REG1B: variants seen among roughly 807,000 people sequenced by gnomAD.
The protein encoded by REG1B is regenerating family member 1 beta.
A neutral mutation model predicts 20.4 loss-of-function variants in REG1B; 21 were observed. That is an observed-to-expected ratio of 1.03 (90% confidence interval 0.73 to 1.48). REG1B has a LOEUF of 1.48. Ranked by LOEUF, REG1B falls within the 40% of genes most tolerant of loss-of-function variation. The pLI is 0.00. For synonymous variants in REG1B, 82 were observed against 73.4 expected, an observed-to-expected ratio of 1.12 and a Z score of -0.60; for missense variants, 247 against 197.2, an observed-to-expected ratio of 1.25 and a Z score of -1.51.
At chr2:79,087,734 C>T (rs1278678816) in intron 1 of REG1B, 76 bp from the exon 2 acceptor site, 13 of 899,018 alleles carry the variant, frequency 1.4e-5, no homozygotes, top group Non-Finnish European at 1.7e-6. Context: ...CCTCTCCTCT[C>T]TGAATTCCTG....
chr2:79,086,541 G>A (rs374024023), intron 3 of REG1B, 37 bp from the exon 4 acceptor site: 1 of 1,610,132 alleles, frequency 6.2e-7, no homozygotes, highest in Non-Finnish European at 8.5e-7. Context: ...AGTGGAGAAG[G>A]AAGGTGTGAG....
At chr2:79,086,710 A>C in intron 3 of REG1B, 102 bp downstream of exon 3, 4 of 1,331,342 alleles carry the variant, frequency 3.0e-6, no homozygotes, top group Non-Finnish European at 4.3e-6. Context: ...TGGAATAGGG[A>C]AGGGATCAAT....
rs144790734 is a variant in REG1B at position 79,087,227 on chromosome 2, G to A, written c.65-297C>T. ...CTTCCTCCTTTCTCAAGTTTCTCTCGGTTTCCCTGCACACGTTTGCCTTAG... is the reference window on the plus strand; with the variant it reads ...CTTCCTCCTTTCTCAAGTTTCTCTCAGTTTCCCTGCACACGTTTGCCTTAG... On this transcript the variant is annotated intron_variant, in intron 2 of 5. Transcript: ENST00000305089. 493 of 527,072 alleles carry A rather than the reference G, an allele frequency of 9.4e-4. 2 individuals are homozygous for A. Among genetic ancestry groups the A allele is most frequent in the Non-Finnish European group, 1.3e-3 (392 of 297,282 alleles). The allele number at this position is 527,072 out of a possible 1,614,324, so 32.6% of individuals were successfully genotyped here.
intron 4 of REG1B, chr2:79,085,851 C>G (rs764006042): frequency 2.8e-6 from 1 of 353,492 alleles, no homozygotes; most frequent in African/African-American, 2.1e-5. Context: ...CATAAAAGCC[C>G]ATTAAAGAGA....
intron 2 of REG1B, 34 bp downstream of exon 2, chr2:79,087,515 T>C (rs1188141822): frequency 6.2e-7 from 1 of 1,604,714 alleles, no homozygotes; most frequent in Middle Eastern, 1.7e-4. Context: ...GAATTCAGAG[T>C]TGGGGTTGTG....
At chr2:79,085,669 T>G in intron 4 of REG1B, 66 bp from the exon 5 acceptor site, 3 of 997,776 alleles carry the variant, frequency 3.0e-6, no homozygotes, top group South Asian at 1.5e-5. Context: ...ACCAGGCCTG[T>G]GTGCACACTC....
Position 79,087,599 on chromosome 2 carries a change from T to C in REG1B, c.14A>G (p.Asn5Ser). The C allele has an allele frequency of 6.2e-7, 1 of 1,613,728 alleles. No homozygotes were observed. The highest frequency in any genetic ancestry group is 8.5e-7 in the Non-Finnish European group (1 of 1,179,858). MAQT[N>S]SFFMLISSLM... ...GGAGGAGATCAGCATGAAGAACGAGTTGGTCTGAGCCATGCTTAGCGGCAG... is the reference window on the plus strand; with the variant it reads ...GGAGGAGATCAGCATGAAGAACGAGCTGGTCTGAGCCATGCTTAGCGGCAG... The change falls in exon 2 of 6, where the codon AAC becomes AGC. Residue 5 changes from asparagine to serine, a missense_variant. Transcript: ENST00000305089.
At chr2:79,085,665 C>T in intron 4 of REG1B, 62 bp from the exon 5 acceptor site, 2 of 1,054,222 alleles carry the variant, frequency 1.9e-6, no homozygotes, top group Non-Finnish European at 2.8e-6. Flanking sequence ...AATAACCAGG[C>T]CTGTGTGCAC....
At position 79,085,599 on chromosome 2, in the gene REG1B, C is replaced by A; in HGVS notation, c.326G>T (p.Arg109Leu). ...GGACCCACTACTCCAGTGCCAGCGGCGGTTCTAGATGGAGAAGGGCCAGAA... is the reference window on the plus strand; with the variant it reads ...GGACCCACTACTCCAGTGCCAGCGGAGGTTCTAGATGGAGAAGGGCCAGAA... ...WIGLHDPKKN[R>L]RWHWSSGSLV... is the part of the protein sequence containing the mutation. Residue 109 changes from arginine (R) to leucine (L), a missense_variant, in exon 5 of 6, where the codon CGC becomes CTC. Coordinates refer to ENST00000305089, the MANE Select transcript of REG1B (RefSeq NM_006507.4). The A allele has an allele frequency of 6.2e-7, 1 of 1,610,340 alleles. No homozygotes were observed. Among genetic ancestry groups the A allele is most frequent in the Non-Finnish European group, 8.5e-7 (1 of 1,177,676 alleles).
intron 1 of REG1B, 42 bp downstream of exon 1, chr2:79,087,917 A>C (rs1403988911): frequency 3.5e-6 from 1 of 287,970 alleles, no homozygotes; most frequent in African/African-American, 2.2e-5. Context: ...AAAAGAGAAA[A>C]TCCCACGTTA....
intron 4 of REG1B, 145 bp from the exon 5 acceptor site, chr2:79,085,748 T>C (rs993813330): frequency 2.9e-5 from 15 of 523,434 alleles, no homozygotes; most frequent in African/African-American, 2.9e-4. Flanking sequence ...TCATTTCCTC[T>C]GCTTTTGCTC....
intron 3 of REG1B, 24 bp from the exon 4 acceptor site, chr2:79,086,528 C>A (rs747369634): frequency 2.1e-5 from 34 of 1,611,964 alleles, no homozygotes; most frequent in Admixed American, 3.3e-5. Context: ...AAATGGAGCA[C>A]TCAGTGGAGA....
chr2:79,085,549 T>C lies in REG1B; in HGVS notation c.376A>G (p.Thr126Ala), dbSNP rs759874026. 15 of 1,613,794 alleles carry C rather than the reference T, an allele frequency of 9.3e-6. No individual in the cohort carries two copies. Among genetic ancestry groups the C allele is most frequent in the Non-Finnish European group, 4.2e-6 (5 of 1,179,916 alleles). ...GSLVSYKSWD[T>A]GSPSSANAGY... ...GCATTAGCACTGCTCGGGGATCCAG[T>C]GTCCCAGGACTTGTAGGAGACCAGG... is the stretch of plus-strand genomic sequence containing the variant. Residue 126 changes from threonine to alanine, a missense_variant, in exon 5 of 6, where the codon ACT becomes GCT. Coordinates refer to ENST00000305089, the MANE Select transcript of REG1B (RefSeq NM_006507.4).
Position 79,085,247 on chromosome 2 carries a change from T to G in REG1B, c.470A>C (p.Lys157Thr). The stretch of plus-strand genomic sequence containing the variant: ...TTTGAACTTGCAAACAAAGGAGAAC[T>G]TCTTCTCACAAGATTCATCCTTCCA... ...KKWKDESCEK[K>T]FSFVCKFKN is the part of the protein sequence containing the mutation. The change falls in exon 6 of 6, where the codon AAG becomes ACG. Residue 157 changes from lysine (K) to threonine (T), a missense_variant. Transcript: ENST00000305089. 6.2e-7 allele frequency: 1 copy of G among 1,613,518 alleles called. No individual in the cohort carries two copies. Among genetic ancestry groups the G allele is most frequent in the Non-Finnish European group, 8.5e-7 (1 of 1,179,472 alleles).
chr2:79,086,691 G>A, intron 3 of REG1B, 121 bp downstream of exon 3: 2 of 1,303,872 alleles, frequency 1.5e-6, no homozygotes, highest in Non-Finnish European at 2.2e-6. Context: ...GGAAGTTTGG[G>A]ACCAGTGGTG....
chr2:79,085,419 C>T (rs199799058), intron 5 of REG1B, 73 bp downstream of exon 5: 16 of 1,394,186 alleles, frequency 1.1e-5, no homozygotes, highest in Non-Finnish European at 1.6e-5. Flanking sequence ...TCCTCTATCC[C>T]AGTCCCCATG....
At position 79,086,813 on chromosome 2, in the gene REG1B, T is replaced by C; in HGVS notation, c.182A>G (p.Asp61Gly). 1 of 1,613,572 alleles carries C rather than the reference T, an allele frequency of 6.2e-7. No homozygotes were observed. Among genetic ancestry groups the C allele is most frequent in the Non-Finnish European group, 8.5e-7 (1 of 1,179,544 alleles). ...NEDPETWVDA[D>G]LYCQNMNSGN... Reference sequence around the variant, plus strand: ...TCCCCTGCTGCTCTCCTCACTCACATCTGCATCAACCCAGGTCTCAGGGTC... The same window carrying C: ...TCCCCTGCTGCTCTCCTCACTCACACCTGCATCAACCCAGGTCTCAGGGTC... The change falls in exon 3 of 6, where the codon GAT becomes GGT. Residue 61 changes from aspartate (D) to glycine (G), a missense_variant and splice_region_variant. Physicochemically the swap from Asp to Gly is moderately conservative, Grantham distance 94. Coordinates refer to ENST00000305089, the MANE Select transcript of REG1B (RefSeq NM_006507.4).
rs1255326505 is a variant in REG1B, at chr2:79,086,929, G to T, written c.66C>A (p.Gly22=). The T allele has an allele frequency of 3.1e-6, 5 of 1,612,014 alleles. No individual in the cohort carries two copies. The highest frequency in any genetic ancestry group is 2.7e-5 in the African/African-American group (2 of 74,828). The change falls in exon 3 of 6, where the codon GGC becomes GGA. Residue 22 remains glycine (G), a splice_region_variant and synonymous_variant. Transcript: ENST00000305089. The part of the protein sequence containing the change: ...SSLMFLSLSQ[G]QESQTELPNP... ...TAGGCAGCTCTGTCTGGGACTCCTG[G>T]CCTGGGGAAAAAAAAAAGGAGATAA...
Position 79,085,122 on chromosome 2 carries a change from A to T in REG1B, c.*94T>A. 1.2e-6 allele frequency: 1 copy of T among 839,952 alleles called. No individual in the cohort carries two copies. The highest frequency in any genetic ancestry group is 2.0e-6 in the Non-Finnish European group (1 of 490,180). The allele number at this position is 839,952 out of a possible 1,614,324, so 52.0% of individuals were successfully genotyped here. On this transcript the variant is annotated 3_prime_UTR_variant, in exon 6 of 6. Coordinates refer to ENST00000305089, the MANE Select transcript of REG1B (RefSeq NM_006507.4). Reference sequence around the variant, plus strand: ...GCGATGCAAACTCATTAGGGAGGAGATGGTCTGAACTGAGTTGGAGACATA... The same window carrying T: ...GCGATGCAAACTCATTAGGGAGGAGTTGGTCTGAACTGAGTTGGAGACATA...
Sources: allele counts gnomAD v4.1 joint callset, GRCh38; gene constraint gnomAD v4.1.1; transcripts MANE v1.5; gene names NCBI Gene and HGNC (gene_info 2026-07-23, HGNC 2026-07-21).